ADGRA3: variants seen among roughly 807,000 people sequenced by gnomAD.
ADGRA3 encodes the protein G-protein coupled receptor 125.
A neutral mutation model predicts 119.8 loss-of-function variants in ADGRA3; 56 were observed. That is an observed-to-expected ratio of 0.47 (90% CI 0.38 to 0.58). The LOEUF is 0.58. ADGRA3 is among the 20% of genes least tolerant of loss of function. The pLI, the probability that ADGRA3 is intolerant of heterozygous loss-of-function variation, is 0.00. For missense variants in ADGRA3, 1,516 were observed against 1,649.0 expected, an observed-to-expected ratio of 0.92 and a Z score of 1.40; for synonymous variants, 607 against 623.8, an observed-to-expected ratio of 0.97 and a Z score of 0.40.
At chr4:22,423,374 T>C (rs747217376) in intron 11 of ADGRA3, among the ~76,000 whole-genome samples, 12 of 151,806 alleles carry the variant, frequency 7.9e-5, no homozygotes, top group Middle Eastern at 3.2e-3. Flanking sequence ...AACAGGAAAA[T>C]AGCAATCTTG....
chr4:22,466,692 G>A (rs533692533), intron 2 of ADGRA3, among the ~76,000 whole-genome samples: 12 of 151,612 alleles, frequency 7.9e-5, no homozygotes, highest in African/African-American at 1.9e-4. Flanking sequence ...CCAGCTTGGC[G>A]ACAGATCAAG....
At chr4:22,391,388 T>A (rs1420011703) in intron 17 of ADGRA3, among the ~76,000 whole-genome samples, 1 of 152,128 alleles carries the variant, frequency 6.6e-6, no homozygotes, top group East Asian at 1.9e-4. Flanking sequence ...CAAGGCACGC[T>A]AGCTAGCTAG....
In ADGRA3 at chr4:22,388,098, G is replaced by A. The variant is rs1034522739; in HGVS notation, c.3573C>T (p.Ala1191=). The A allele has an allele frequency of 1.2e-6, 2 of 1,614,008 alleles. No homozygotes were observed. Among genetic ancestry groups the A allele is most frequent in the Middle Eastern group, 1.6e-4 (1 of 6,082 alleles). The part of the protein sequence containing the change: ...ASRLTVLREY[A]YDVPTSVEGS... The stretch of plus-strand genomic sequence containing the variant: ...CTTCCACGCTCGTTGGGACATCGTA[G>A]GCATATTCTCTCAGGACTGTGAGTC... Residue 1191 remains alanine (A), a synonymous_variant, in exon 19 of 19, where the codon GCC becomes GCT. Transcript: ENST00000334304.
chr4:22,465,606 C>T (rs1370671625), intron 2 of ADGRA3, among the ~76,000 whole-genome samples: 2 of 152,160 alleles, frequency 1.3e-5, no homozygotes. Flanking sequence ...GAGTTGGTGT[C>T]TATCACTTAT....
At chr4:22,433,548 G>A (rs1201575760) in intron 10 of ADGRA3, among the ~76,000 whole-genome samples, 3 of 152,088 alleles carry the variant, frequency 2.0e-5, no homozygotes, top group African/African-American at 7.2e-5. Context: ...CTAAGAACCC[G>A]TCAACGCAGC....
At chr4:22,442,967 A>C in intron 6 of ADGRA3, 104 bp from the exon 7 acceptor site, 1 of 846,726 alleles carries the variant, frequency 1.2e-6, no homozygotes, top group Non-Finnish European at 1.9e-6. Context: ...AGAACAACAA[A>C]TATTCCTCAA....
At chr4:22,430,261 C>T (rs1188281053) in intron 10 of ADGRA3, among the ~76,000 whole-genome samples, 1 of 152,050 alleles carries the variant, frequency 6.6e-6, no homozygotes, top group Non-Finnish European at 1.5e-5. Context: ...TGAAAAGATA[C>T]CCAAAAATGT....
chr4:22,408,923 C>A (rs533219085), intron 14 of ADGRA3, among the ~76,000 whole-genome samples: 3 of 152,280 alleles, frequency 2.0e-5, no homozygotes, highest in African/African-American at 7.2e-5. Flanking sequence ...GACTGCTACA[C>A]TGCAATGGAA....
At chr4:22,402,247 A>T (rs758909555) in intron 15 of ADGRA3, among the ~76,000 whole-genome samples, 3 of 152,322 alleles carry the variant, frequency 2.0e-5, no homozygotes, top group Non-Finnish European at 2.9e-5. Flanking sequence ...AAATTTTCTT[A>T]AAAATGTCAT....
At chr4:22,506,749 GAA>G (rs34984034) in intron 1 of ADGRA3, among the ~76,000 whole-genome samples, 1 of 147,482 alleles carries the variant, frequency 6.8e-6, no homozygotes, top group Non-Finnish European at 1.5e-5. Flanking sequence ...AGTCAAGACG[GAA>G]AAAAAAAAAT....
At chr4:22,479,919 C>T (rs186881742) in intron 1 of ADGRA3, among the ~76,000 whole-genome samples, 4 of 152,242 alleles carry the variant, frequency 2.6e-5, no homozygotes, top group African/African-American at 9.6e-5. Flanking sequence ...ACCTCACGTT[C>T]TCACTTATAA....
At chr4:22,401,656 T>C in intron 15 of ADGRA3, 102 bp from the exon 16 acceptor site, 1 of 768,748 alleles carries the variant, frequency 1.3e-6, no homozygotes, top group Non-Finnish European at 2.0e-6. Flanking sequence ...AAAAGTTAAA[T>C]ATTTGATATT....
chr4:22,420,884 AC>A lies in ADGRA3; in HGVS notation c.1809+1del. On this transcript the variant is annotated splice_donor_variant, in intron 12 of 18. Transcript: ENST00000334304. LOFTEE classifies it high-confidence loss of function. ...CTTAAATGATTGCAGAATGTAACAT[AC>A]CTTTAGTGCCAGACTCGAAAATGTA... is the stretch of plus-strand genomic sequence containing the variant. 1 of 1,612,166 alleles carries A rather than the reference AC, an allele frequency of 6.2e-7. No homozygotes were observed. Among genetic ancestry groups the A allele is most frequent in the Non-Finnish European group, 8.5e-7 (1 of 1,178,200 alleles).
At chr4:22,488,217 A>T (rs1417419287) in intron 1 of ADGRA3, among the ~76,000 whole-genome samples, 2 of 152,156 alleles carry the variant, frequency 1.3e-5, no homozygotes, top group African/African-American at 4.8e-5. Flanking sequence ...TTTCACATGT[A>T]TAGGGTTGTG....
At chr4:22,425,201 T>C (rs1715881988) in intron 10 of ADGRA3, among the ~76,000 whole-genome samples, 1 of 151,982 alleles carries the variant, frequency 6.6e-6, no homozygotes, top group African/African-American at 2.4e-5. Context: ...CTCACCCCCA[T>C]CCCCTTGCAC....
intron 10 of ADGRA3, among the ~76,000 whole-genome samples, chr4:22,425,941 A>G (rs868719147): frequency 1.3e-5 from 2 of 152,200 alleles, no homozygotes; most frequent in African/African-American, 4.8e-5. Flanking sequence ...TAGCCTGAAC[A>G]CTTCACCTCT....
intron 16 of ADGRA3, 106 bp from the exon 17 acceptor site, chr4:22,392,796 G>T: frequency 1.0e-6 from 1 of 969,064 alleles, no homozygotes; most frequent in African/African-American, 1.7e-5. Context: ...GCAGCAGGAA[G>T]GCCTATCCTA....
In ADGRA3 at chr4:22,387,778, T is replaced by C; in HGVS notation, c.3893A>G (p.Glu1298Gly). The C allele has an allele frequency of 6.2e-7, 1 of 1,614,096 alleles. No homozygotes were observed. ...QNGPIKSNGQ[E>G]GPLLGTDSTG... ...GCTATCGGTACCGAGCAAGGGTCCC[T>C]CCTGCCCATTGCTTTTAATTGGTCC... The change falls in exon 19 of 19, where the codon GAG (glutamate) becomes GGG (glycine). Residue 1298 changes from glutamate (E) to glycine (G), a missense_variant. By Grantham distance (98) the Glu-to-Gly change is moderately conservative. This residue lies in a region of ADGRA3 where 1,088 missense variants were observed against 1,107.1 expected (regional missense o/e 0.98). Transcript: ENST00000334304.
intron 16 of ADGRA3, among the ~76,000 whole-genome samples, chr4:22,397,360 T>C (rs1439499724): frequency 1.3e-5 from 2 of 151,888 alleles, no homozygotes; most frequent in Non-Finnish European, 2.9e-5. Flanking sequence ...TTTTGTACTT[T>C]TAGCGGAGAT....
Sources: allele counts gnomAD v4.1 joint callset (sites outside exome capture counted in the v4.1 genomes callset), GRCh38; gene constraint gnomAD v4.1.1; regional missense constraint gnomAD v4.1.1; transcripts MANE v1.5; gene names NCBI Gene and HGNC (gene_info 2026-07-23, HGNC 2026-07-21).